FRY: variants seen among roughly 807,000 people sequenced by gnomAD.
The protein encoded by FRY is FRY microtubule binding protein, also known as protein furry homolog.
Under a neutral mutation model 348.4 loss-of-function variants are expected in FRY, and 128 were observed. The ratio of observed to expected loss-of-function variants is 0.37; its 90% CI spans 0.32 to 0.43. The LOEUF is 0.43. FRY is among the 20% of genes least tolerant of loss of function. FRY has a pLI of 1.00. For synonymous variants in FRY, 1,370 were observed against 1,374.7 expected (o/e 1.00, Z 0.08); for missense variants, 2,736 against 3,695.2 (o/e 0.74, Z 6.73).
At chr13:32,232,871 A>G (rs1164116484) in intron 41 of FRY, among the ~76,000 whole-genome samples, 1 of 152,180 alleles carries the variant, frequency 6.6e-6, no homozygotes, top group Non-Finnish European at 1.5e-5. Flanking sequence ...CTACTAGTAC[A>G]GTTCTAGCCT....
At chr13:32,111,789 T>C (rs181015388) in intron 3 of FRY, among the ~76,000 whole-genome samples, 3 of 152,340 alleles carry the variant, frequency 2.0e-5, no homozygotes, top group Admixed American at 2.0e-4. Flanking sequence ...TTGAGGATCC[T>C]GAGTTAATTG....
intron 53 of FRY, among the ~76,000 whole-genome samples, chr13:32,263,286 A>G (rs777850058): frequency 1.3e-5 from 2 of 152,210 alleles, no homozygotes; most frequent in Non-Finnish European, 2.9e-5. Flanking sequence ...TCATAAAAGT[A>G]TATTCCTTCT....
intron 2 of FRY, among the ~76,000 whole-genome samples, chr13:32,094,185 C>G (rs950724939): frequency 2.0e-5 from 3 of 152,002 alleles, no homozygotes; most frequent in Non-Finnish European, 2.9e-5. Flanking sequence ...AGAAGCATAC[C>G]TTTACAGTTC....
intron 35 of FRY, among the ~76,000 whole-genome samples, chr13:32,213,849 G>A (rs1376491778): frequency 1.3e-5 from 2 of 152,192 alleles, no homozygotes; most frequent in African/African-American, 4.8e-5. Flanking sequence ...AACTTAAGAA[G>A]CCAGTAATCT....
intron 49 of FRY, among the ~76,000 whole-genome samples, chr13:32,251,599 C>T (rs1320026917): frequency 1.3e-5 from 2 of 148,372 alleles, no homozygotes; most frequent in Non-Finnish European, 2.9e-5. Context: ...TTTACATTGT[C>T]TAATAGTTAC....
chr13:32,108,333 A>G (rs1333598675), intron 3 of FRY, among the ~76,000 whole-genome samples: 1 of 152,202 alleles, frequency 6.6e-6, no homozygotes, highest in African/African-American at 2.4e-5. Flanking sequence ...GGATTTGCTG[A>G]GTGTTGATGA....
intron 21 of FRY, 21 bp downstream of exon 21, chr13:32,178,457 C>T (rs1050470972): frequency 2.3e-5 from 37 of 1,613,302 alleles, no homozygotes; most frequent in Non-Finnish European, 3.1e-5. Flanking sequence ...CTTGTGTTTT[C>T]CTCTGCCCTC....
At chr13:32,161,074 C>A in intron 16 of FRY, 70 bp from the exon 17 acceptor site, 1 of 971,532 alleles carries the variant, frequency 1.0e-6, no homozygotes, top group Non-Finnish European at 1.7e-6. Context: ...TTTGTTCATG[C>A]ACTTAATTCA....
chr13:32,278,164 T>C (rs530256242), intron 57 of FRY, among the ~76,000 whole-genome samples: 21 of 152,300 alleles, frequency 1.4e-4, no homozygotes, highest in African/African-American at 4.6e-4. Context: ...TTTCTAGCCA[T>C]ATATATTCAT....
intron 2 of FRY, among the ~76,000 whole-genome samples, chr13:32,095,038 C>A (rs1360720652): frequency 4.6e-5 from 7 of 152,160 alleles, no homozygotes; most frequent in Admixed American, 4.6e-4. Context: ...TGGATATAAG[C>A]CATTTTAACT....
At chr13:32,195,723 A>T (rs1158634754) in intron 29 of FRY, among the ~76,000 whole-genome samples, 1 of 152,236 alleles carries the variant, frequency 6.6e-6, no homozygotes, top group African/African-American at 2.4e-5. Flanking sequence ...TCTAGTCACA[A>T]AAATATTAGG....
rs187653571 is a variant in FRY at position 32,122,517 on chromosome 13, G to A, written c.465-1769G>A. 2.0e-3 allele frequency among the ~76,000 whole-genome samples: 299 copies of A among 151,162 alleles called. 3 individuals carry two copies. The highest frequency in any genetic ancestry group is 0.01 in the Middle Eastern group (3 of 290). On this transcript the variant is annotated intron_variant, in intron 4 of 60. Transcript: ENST00000542859. ...TATGATTAAAACTCTCAGCAAAATC[G>A]GCATACAAGGGACATAACTTAATGT...
At chr13:32,201,845 G>A (rs772781316) in intron 29 of FRY, 96 bp from the exon 30 acceptor site, 127 of 786,838 alleles carry the variant, frequency 1.6e-4, no homozygotes, top group Middle Eastern at 2.4e-4. Flanking sequence ...ATAAGTGACC[G>A]AGGTCAGCAT....
chr13:32,249,228 A>G (rs985425543), intron 48 of FRY, among the ~76,000 whole-genome samples: 2 of 152,236 alleles, frequency 1.3e-5, no homozygotes, highest in African/African-American at 4.8e-5. Context: ...TTAAACAATC[A>G]AAAACTGACT....
chr13:32,203,386 A>C (rs987938288), intron 31 of FRY, among the ~76,000 whole-genome samples: 2 of 152,216 alleles, frequency 1.3e-5, no homozygotes, highest in African/African-American at 4.8e-5. Flanking sequence ...ATGGACTGCC[A>C]CATGGAGGAT....
chr13:32,032,379 C>A (rs1872284982), intron 1 of FRY, among the ~76,000 whole-genome samples: 2 of 152,146 alleles, frequency 1.3e-5, no homozygotes, highest in African/African-American at 4.8e-5. Context: ...CTAGGACATC[C>A]TTTTTGTATA....
chr13:32,134,277 A>G (rs1879561842), intron 8 of FRY, among the ~76,000 whole-genome samples: 1 of 152,222 alleles, frequency 6.6e-6, no homozygotes, highest in Admixed American at 6.5e-5. Context: ...ACACCCTTAC[A>G]TATGACAACA....
At chr13:32,255,096 T>G (rs1887265412) in intron 51 of FRY, among the ~76,000 whole-genome samples, 1 of 152,202 alleles carries the variant, frequency 6.6e-6, no homozygotes. Context: ...GTCACCTTCA[T>G]TTCAGTAGCT....
intron 58 of FRY, among the ~76,000 whole-genome samples, chr13:32,281,185 A>G (rs1888791170): frequency 6.6e-6 from 1 of 152,220 alleles, no homozygotes; most frequent in Non-Finnish European, 1.5e-5. Flanking sequence ...AAGGCTTGAG[A>G]GTACAAAAGT....
Sources: gnomAD v4.1 joint callset for allele counts (sites outside exome capture counted in the v4.1 genomes callset) on GRCh38, gnomAD v4.1.1 for gene constraint, MANE v1.5 for transcripts, NCBI Gene and HGNC (gene_info 2026-07-23, HGNC 2026-07-21) for gene names.